TAS2R1: variants seen among roughly 807,000 people sequenced by gnomAD.
TAS2R1 encodes taste receptor type 2 member 1.
For synonymous variants in TAS2R1, 141 were observed against 134.2 expected (o/e 1.05, Z -0.35); for missense variants, 370 against 353.4 (o/e 1.05, Z -0.38).
chr5:9,842,316 C>CGTTT, the TAS2R1 span, among the ~76,000 whole-genome samples: 4 of 116,230 alleles, frequency 3.4e-5, no homozygotes, highest in Admixed American at 9.5e-5. Flanking sequence ...TTCTTTCTCT[C>CGTTT]TTTTTTTTTT....
chr5:9,790,338 T>C, the TAS2R1 span, among the ~76,000 whole-genome samples: 1 of 152,230 alleles, frequency 6.6e-6, no homozygotes, highest in Non-Finnish European at 1.5e-5. Flanking sequence ...CAAAAATATG[T>C]AAATTTTGGA....
At chr5:9,814,978 C>T in the TAS2R1 span, among the ~76,000 whole-genome samples, 21 of 152,218 alleles carry the variant, frequency 1.4e-4, no homozygotes, top group African/African-American at 4.8e-4. Context: ...TACAGTGTTT[C>T]TCCTTCTCTC....
the TAS2R1 span, among the ~76,000 whole-genome samples, chr5:9,749,976 G>A: frequency 6.6e-6 from 1 of 152,140 alleles, no homozygotes; most frequent in Non-Finnish European, 1.5e-5. Context: ...CCTCTTGAGA[G>A]GCCCTCACCA....
the TAS2R1 span, among the ~76,000 whole-genome samples, chr5:9,895,688 A>T: frequency 6.6e-6 from 1 of 152,232 alleles, no homozygotes; most frequent in Non-Finnish European, 1.5e-5. Flanking sequence ...GCACTCTATC[A>T]ACAGATCTGC....
Position 9,628,148 on chromosome 5 carries a change from C to T in TAS2R1, c.*985G>A, listed in dbSNP as rs1253555739. 2.6e-5 allele frequency among the ~76,000 whole-genome samples: 4 copies of T among 151,848 alleles called. No homozygotes were observed. Among genetic ancestry groups the T allele is most frequent in the Admixed American group, 6.6e-5 (1 of 15,240 alleles). On this transcript the variant is annotated 3_prime_UTR_variant, in exon 1 of 1. Transcript: ENST00000382492. ...ATAATTTATCTATCTATCTATCTAT[C>T]TATCTATCTATCTATCTATCTATCT...
At chr5:9,847,711 T>C in the TAS2R1 span, among the ~76,000 whole-genome samples, 6 of 152,224 alleles carry the variant, frequency 3.9e-5, no homozygotes, top group East Asian at 1.2e-3. Flanking sequence ...TGACGGTCGG[T>C]ATGCCTGATG....
chr5:9,684,367 T>G (rs1015830532), intron 1 of TAS2R1, among the ~76,000 whole-genome samples: 19 of 151,918 alleles, frequency 1.3e-4, no homozygotes, highest in African/African-American at 4.6e-4. Flanking sequence ...AGAAGTAGAG[T>G]AGAATTGTGG....
chr5:9,887,419 A>ATCAGCACTC, the TAS2R1 span, among the ~76,000 whole-genome samples: 1 of 152,140 alleles, frequency 6.6e-6, no homozygotes, highest in Non-Finnish European at 1.5e-5. Context: ...TCCCAGTTTC[A>ATCAGCACTC]TCAGCACTCT....
the TAS2R1 span, among the ~76,000 whole-genome samples, chr5:9,849,312 C>T: frequency 2.6e-5 from 4 of 152,216 alleles, no homozygotes; most frequent in African/African-American, 4.8e-5. Context: ...TGTTAAACAG[C>T]ACTGCCACAA....
At chr5:9,886,862 C>T in the TAS2R1 span, among the ~76,000 whole-genome samples, 1 of 152,044 alleles carries the variant, frequency 6.6e-6, no homozygotes, top group East Asian at 1.9e-4. Flanking sequence ...ACATGTATCC[C>T]TGAACCTGAA....
chr5:9,648,596 T>C (rs1740242701), intron 2 of TAS2R1, among the ~76,000 whole-genome samples: 1 of 151,792 alleles, frequency 6.6e-6, no homozygotes, highest in Non-Finnish European at 1.5e-5. Context: ...TACTGGGAGA[T>C]AGCAGCAAGG....
chr5:9,656,664 A>T (rs1740422972), intron 2 of TAS2R1, among the ~76,000 whole-genome samples: 1 of 152,200 alleles, frequency 6.6e-6, no homozygotes, highest in South Asian at 2.1e-4. Flanking sequence ...CTCATCCAGA[A>T]ACTCCCTCAC....
At chr5:9,639,537 G>A (rs1031564759) in intron 2 of TAS2R1, among the ~76,000 whole-genome samples, 2 of 152,140 alleles carry the variant, frequency 1.3e-5, no homozygotes, top group African/African-American at 4.8e-5. Flanking sequence ...TGGTTTTCCT[G>A]GCATGTTCCT....
At chr5:9,668,858 A>C (rs972674079) in intron 1 of TAS2R1, among the ~76,000 whole-genome samples, 4 of 152,070 alleles carry the variant, frequency 2.6e-5, no homozygotes, top group African/African-American at 4.8e-5. Flanking sequence ...CCACACAATC[A>C]AGTCTGCATA....
At chr5:9,847,314 C>A in the TAS2R1 span, among the ~76,000 whole-genome samples, 1 of 152,112 alleles carries the variant, frequency 6.6e-6, no homozygotes, top group Non-Finnish European at 1.5e-5. Flanking sequence ...TATTTTAGAT[C>A]CTTTTTTAAA....
the TAS2R1 span, among the ~76,000 whole-genome samples, chr5:9,902,062 G>A: frequency 2.0e-5 from 3 of 152,020 alleles, no homozygotes; most frequent in Non-Finnish European, 4.4e-5. Flanking sequence ...CACGGGCAAA[G>A]CATGCCAAGA....
chr5:9,822,071 A>AT, the TAS2R1 span, among the ~76,000 whole-genome samples: 2 of 152,294 alleles, frequency 1.3e-5, no homozygotes, highest in Middle Eastern at 3.4e-3. Flanking sequence ...ATCACACTAC[A>AT]TTTTTGTGAG....
At chr5:9,725,838 T>C in the TAS2R1 span, among the ~76,000 whole-genome samples, 1 of 152,242 alleles carries the variant, frequency 6.6e-6, no homozygotes. Context: ...GTTAAGGGAT[T>C]ATAAATACAC....
chr5:9,810,219 T>A, the TAS2R1 span, among the ~76,000 whole-genome samples: 1 of 152,210 alleles, frequency 6.6e-6, no homozygotes, highest in East Asian at 1.9e-4. Context: ...AGGTCACCGA[T>A]GTCTTTATCT....
Sources: gnomAD v4.1 joint callset for allele counts (sites outside exome capture counted in the v4.1 genomes callset) on GRCh38, gnomAD v4.1.1 for gene constraint, MANE v1.5 for transcripts, NCBI Gene and HGNC (gene_info 2026-07-23, HGNC 2026-07-21) for gene names.